Variants in ZHX2 observed in about 807,000 individuals in gnomAD.
ZHX2 encodes zinc fingers and homeoboxes protein 2.
A neutral mutation model predicts 21.9 loss-of-function variants in ZHX2; 6 were observed. That is an observed-to-expected ratio of 0.27 (90% confidence interval 0.15 to 0.54). The LOEUF (loss-of-function observed/expected upper bound fraction) is 0.54. Ranked by LOEUF, ZHX2 falls within the 20% of genes least tolerant of loss-of-function variation. The probability of loss-of-function intolerance (pLI) is 0.95; values close to 1 mark genes in which losing one functional copy is unlikely to be tolerated. For missense variants in ZHX2, 908 were observed against 1,090.7 expected, an observed-to-expected ratio of 0.83 and a Z score of 2.36; for synonymous variants, 434 against 437.1, an observed-to-expected ratio of 0.99 and a Z score of 0.09.
intron 1 of ZHX2, among the ~76,000 whole-genome samples, chr8:122,834,577 T>A (rs1313583298): frequency 1.3e-5 from 2 of 152,346 alleles, no homozygotes; most frequent in Non-Finnish European, 2.9e-5. Context: ...GCCTTTTACT[T>A]TCCTCATCAC....
At chr8:122,804,450 C>T (rs1317276656) in intron 1 of ZHX2, among the ~76,000 whole-genome samples, 2 of 152,140 alleles carry the variant, frequency 1.3e-5, no homozygotes, top group Non-Finnish European at 2.9e-5. Flanking sequence ...TCATTAAGTG[C>T]TTGGTAAATG....
At chr8:122,822,309 T>G (rs1385521579) in intron 1 of ZHX2, among the ~76,000 whole-genome samples, 1 of 152,128 alleles carries the variant, frequency 6.6e-6, no homozygotes, top group Non-Finnish European at 1.5e-5. Context: ...GCTCTTGTTT[T>G]GGGAAGGGAA....
intron 1 of ZHX2, among the ~76,000 whole-genome samples, chr8:122,840,087 C>G (rs1431242953): frequency 6.6e-6 from 1 of 152,216 alleles, no homozygotes; most frequent in East Asian, 1.9e-4. Context: ...AAGTGCCAGG[C>G]TAGCTCCAGG....
chr8:122,941,663 CAAAA>C (rs67837735), intron 2 of ZHX2, among the ~76,000 whole-genome samples: 1 of 133,016 alleles, frequency 7.5e-6, no homozygotes. Flanking sequence ...TTAGTTGCAG[CAAAA>C]AAAAAAAAAA....
chr8:122,873,030 G>A (rs1229932687), intron 2 of ZHX2, among the ~76,000 whole-genome samples: 1 of 152,250 alleles, frequency 6.6e-6, no homozygotes, highest in Admixed American at 6.5e-5. Flanking sequence ...GCCAAAGGGT[G>A]CACGGTGCCA....
rs1292949438 is a variant in ZHX2 at position 122,795,694 on chromosome 8, C to T, written c.-283+13748C>T. Among the ~76,000 whole-genome samples the T allele has an allele frequency of 3.3e-5, 5 of 152,276 alleles. No individual in the cohort carries two copies. In the East Asian group the frequency reaches 9.6e-4, roughly 29 times the overall value. On this transcript the variant is annotated intron_variant, in intron 1 of 3. Coordinates refer to ENST00000314393, the MANE Select transcript of ZHX2 (RefSeq NM_014943.5). ...GTTTTATATTATTTAATCCCAACTA[C>T]CCCCATTGGTAGAAATTTTTATACT...
rs967212823 is a variant in ZHX2 at position 122,782,761 on chromosome 8, C to T, written c.-283+815C>T. Among the ~76,000 whole-genome samples the T allele has an allele frequency of 2.0e-5, 3 of 152,096 alleles. No individual in the cohort carries two copies. The highest frequency in any genetic ancestry group is 2.4e-5 in the African/African-American group (1 of 41,444). ...GGGCCGAGGGCGGCCGCGGGACCCC[C>T]GGCCCTGCTGTCCGCTGCCAGCTGG... is the stretch of plus-strand genomic sequence containing the variant. On this transcript the variant is annotated intron_variant, in intron 1 of 3. Transcript: ENST00000314393. The surrounding 1 kb of genome is among the most constrained non-coding windows in gnomAD (Gnocchi z 5.3).
intron 2 of ZHX2, among the ~76,000 whole-genome samples, chr8:122,946,695 C>T (rs61147775): frequency 6.6e-6 from 1 of 152,266 alleles, no homozygotes; most frequent in African/African-American, 2.4e-5. Flanking sequence ...TTCCTCCTCT[C>T]TTTTGAAAAA....
At chr8:122,960,453 G>T (rs555062808) in intron 3 of ZHX2, among the ~76,000 whole-genome samples, 15 of 152,106 alleles carry the variant, frequency 9.9e-5, no homozygotes, top group Admixed American at 4.6e-4. Context: ...CAGGAGAATC[G>T]CTTGAACCCA....
At chr8:122,933,293 G>A (rs561516700) in intron 2 of ZHX2, among the ~76,000 whole-genome samples, 9 of 152,138 alleles carry the variant, frequency 5.9e-5, no homozygotes, top group African/African-American at 9.7e-5. Context: ...CTGTAGTCTC[G>A]CAGCCTCTCT....
intron 2 of ZHX2, among the ~76,000 whole-genome samples, chr8:122,900,161 G>A (rs965037869): frequency 3.3e-5 from 5 of 152,198 alleles, no homozygotes; most frequent in African/African-American, 9.7e-5. Flanking sequence ...CTATAAAGGA[G>A]TATCTGAGGT....
intron 2 of ZHX2, among the ~76,000 whole-genome samples, chr8:122,872,543 A>G (rs4593547): frequency 0.79 from 120,442 of 152,174 alleles, 48,099 homozygotes; most frequent in African/African-American, 0.9. Flanking sequence ...ATCCTTCTCT[A>G]TAGTCCAGCT....
At chr8:122,922,294 G>A (rs1820759799) in intron 2 of ZHX2, among the ~76,000 whole-genome samples, 2 of 150,172 alleles carry the variant, frequency 1.3e-5, no homozygotes, top group African/African-American at 2.5e-5. Flanking sequence ...AAAAAGAAAA[G>A]GAAAAAAAGA....
chr8:122,840,156 T>A (rs149613107), intron 1 of ZHX2, among the ~76,000 whole-genome samples: 165 of 152,312 alleles, frequency 1.1e-3, no homozygotes, highest in Non-Finnish European at 1.9e-3. Context: ...GCACTAGGAA[T>A]AATTTAGTAG....
intron 1 of ZHX2, among the ~76,000 whole-genome samples, chr8:122,810,918 G>T (rs1344616888): frequency 6.6e-6 from 1 of 152,164 alleles, no homozygotes; most frequent in South Asian, 2.1e-4. Flanking sequence ...AAAGGGAGTG[G>T]CTGGGATTAT....
chr8:122,791,629 C>T (rs1270638364), intron 1 of ZHX2, among the ~76,000 whole-genome samples: 1 of 152,154 alleles, frequency 6.6e-6, no homozygotes, highest in African/African-American at 2.4e-5. Flanking sequence ...CTTTGGGAGG[C>T]CGAGGCCGGT....
intron 1 of ZHX2, among the ~76,000 whole-genome samples, chr8:122,794,912 A>C (rs1197484349): frequency 1.3e-5 from 2 of 152,196 alleles, no homozygotes; most frequent in African/African-American, 4.8e-5. Context: ...TCTCTTCTCT[A>C]ACAGGCCAGT....
At chr8:122,879,578 A>AG (rs1432083055) in intron 2 of ZHX2, among the ~76,000 whole-genome samples, 6 of 136,566 alleles carry the variant, frequency 4.4e-5, no homozygotes, top group African/African-American at 2.2e-4. Context: ...CATACTTGAT[A>AG]TCTTCCACAA....
chr8:122,905,401 C>T (rs964276568), intron 2 of ZHX2, among the ~76,000 whole-genome samples: 16 of 152,142 alleles, frequency 1.1e-4, no homozygotes, highest in African/African-American at 3.6e-4. Flanking sequence ...AACTGTCAAC[C>T]CAGAATCCTA....
Sources: allele counts gnomAD v4.1 joint callset (sites outside exome capture counted in the v4.1 genomes callset), GRCh38; gene constraint gnomAD v4.1.1; non-coding constraint Gnocchi (gnomAD v3.1); transcripts MANE v1.5; gene names NCBI Gene and HGNC (gene_info 2026-07-23, HGNC 2026-07-21).